PPFIA1: variants seen among roughly 807,000 people sequenced by gnomAD.
PPFIA1 encodes the protein liprin-alpha-1.
In PPFIA1, 25 loss-of-function variants were observed where a neutral mutation model predicts 149.9. The observed-to-expected ratio is 0.17, with a 90% CI of 0.12 to 0.23. PPFIA1 has a LOEUF of 0.23. PPFIA1 is among the 10% of genes least tolerant of loss of function. The pLI is 1.00. For missense variants in PPFIA1, 1,362 were observed against 1,506.5 expected (o/e 0.90, Z 1.59); for synonymous variants, 549 against 552.8 (o/e 0.99, Z 0.10).
At chr11:70,380,750 A>AG (rs2057682475) in intron 26 of PPFIA1, among the ~76,000 whole-genome samples, 1 of 150,558 alleles carries the variant, frequency 6.6e-6, no homozygotes, top group Middle Eastern at 3.2e-3. Context: ...AAAAAAAAAA[A>AG]GTAAACCTAA....
chr11:70,288,514 G>A (rs776147947), intron 2 of PPFIA1, among the ~76,000 whole-genome samples: 2 of 152,140 alleles, frequency 1.3e-5, no homozygotes, highest in Non-Finnish European at 2.9e-5. Flanking sequence ...CTGGGAGACC[G>A]TCAACCTCAT....
intron 2 of PPFIA1, among the ~76,000 whole-genome samples, chr11:70,289,857 G>T (rs889834251): frequency 6.6e-6 from 1 of 152,146 alleles, no homozygotes; most frequent in Non-Finnish European, 1.5e-5. Context: ...TGGGAGGATC[G>T]CTTGAGACCA....
intron 23 of PPFIA1, chr11:70,373,973 A>G (rs1023469648): frequency 1.3e-5 from 2 of 152,234 alleles, no homozygotes; most frequent in African/African-American, 2.4e-5. Flanking sequence ...CCAATAGACA[A>G]AGATCTTTGG....
chr11:70,276,961 T>C (rs1274037628), intron 2 of PPFIA1, among the ~76,000 whole-genome samples: 1 of 149,796 alleles, frequency 6.7e-6, no homozygotes, highest in African/African-American at 2.5e-5. Flanking sequence ...CGGCTTTACA[T>C]TTTTTTCTAC....
intron 2 of PPFIA1, among the ~76,000 whole-genome samples, chr11:70,287,175 A>G (rs973127146): frequency 6.6e-6 from 1 of 151,842 alleles, no homozygotes; most frequent in Non-Finnish European, 1.5e-5. Context: ...AAATGCATGT[A>G]CAGCTGCCTT....
chr11:70,347,040 C>T (rs548895595), intron 15 of PPFIA1, among the ~76,000 whole-genome samples: 3 of 152,202 alleles, frequency 2.0e-5, no homozygotes, highest in Middle Eastern at 6.8e-3. Flanking sequence ...CATCAGATAA[C>T]GCTCTGGTTC....
intron 7 of PPFIA1, chr11:70,327,547 G>C (rs974693562): frequency 6.6e-6 from 1 of 152,286 alleles, no homozygotes; most frequent in Non-Finnish European, 1.5e-5. Context: ...TTAGGCGGGC[G>C]GATCACGAGG....
In PPFIA1 at chr11:70,330,412, C is replaced by A. The variant is rs940786342; in HGVS notation, c.1077+93C>A. ...CTCACTTTCATGTTGGAAATCAAGT[C>A]CAAATATCAAGTTTTTATGACCTTA... On this transcript the variant is annotated intron_variant, in intron 8 of 27. Coordinates refer to ENST00000253925, the MANE Select transcript of PPFIA1 (RefSeq NM_003626.5). 1.5e-5 allele frequency: 18 copies of A among 1,162,082 alleles called. No homozygotes were observed. In the Admixed American group the frequency reaches 4.4e-4, roughly 28 times the overall value. The allele number at this position is 1,162,082 out of a possible 1,614,324, so 72.0% of individuals were successfully genotyped here. A position where few individuals can be genotyped will look rare whatever the true frequency, so the allele number is the denominator to read the frequency against.
At position 70,333,539 on chromosome 11, in the gene PPFIA1, CAAG is replaced by C; in HGVS notation, c.1285_1287del (p.Glu429del). On this transcript the variant is annotated inframe_deletion, in exon 10 of 28. Transcript: ENST00000253925. ...GGAAGCACAGTTGGAGGAGAAGAATCAAGAACTGCAGCGGGTGAGCATGCAGCC... is the reference window on the plus strand; with the variant it reads ...GGAAGCACAGTTGGAGGAGAAGAATCAACTGCAGCGGGTGAGCATGCAGCC... 1 of 1,612,052 alleles carries C rather than the reference CAAG, an allele frequency of 6.2e-7. No homozygotes were observed. Among genetic ancestry groups the C allele is most frequent in the South Asian group, 1.1e-5 (1 of 90,456 alleles).
chr11:70,332,344 T>C (rs950375883), intron 9 of PPFIA1, among the ~76,000 whole-genome samples: 1 of 152,200 alleles, frequency 6.6e-6, no homozygotes, highest in Non-Finnish European at 1.5e-5. Flanking sequence ...ATCTGAGAGT[T>C]ACTGCTTCTT....
At position 70,376,406 on chromosome 11, in the gene PPFIA1, C is replaced by A. The variant is rs140193214; in HGVS notation, c.3316-126C>A. The A allele has an allele frequency of 5.6e-6, 5 of 900,640 alleles. No individual in the cohort carries two copies. In the African/African-American group the frequency reaches 6.7e-5, roughly 12 times the overall value. The allele number at this position is 900,640 out of a possible 1,614,324, so 55.8% of individuals were successfully genotyped here. A position where few individuals can be genotyped will look rare whatever the true frequency, so the allele number is the denominator to read the frequency against. ...CGTCCGAAAGTGTTGGAATTACAGGCGTGAGCCACCAGACCCAGCCAGCAG... is the reference window on the plus strand; with the variant it reads ...CGTCCGAAAGTGTTGGAATTACAGGAGTGAGCCACCAGACCCAGCCAGCAG... On this transcript the variant is annotated intron_variant, in intron 24 of 27. Coordinates refer to ENST00000253925, the MANE Select transcript of PPFIA1 (RefSeq NM_003626.5).
intron 8 of PPFIA1, 93 bp downstream of exon 8, chr11:70,330,412 C>T: frequency 7.7e-6 from 9 of 1,162,200 alleles, no homozygotes; most frequent in Non-Finnish European, 1.1e-5. Context: ...GAAATCAAGT[C>T]CAAATATCAA....
intron 2 of PPFIA1, among the ~76,000 whole-genome samples, chr11:70,307,770 T>G (rs914290653): frequency 1.3e-5 from 2 of 152,100 alleles, no homozygotes; most frequent in African/African-American, 4.8e-5. Flanking sequence ...AAAAATTTTT[T>G]TTTAAATTAG....
chr11:70,301,044 C>G (rs1206699395), intron 2 of PPFIA1, among the ~76,000 whole-genome samples: 1 of 152,162 alleles, frequency 6.6e-6, no homozygotes, highest in Non-Finnish European at 1.5e-5. Context: ...TGTTTTCTGC[C>G]CAGTCACTCC....
intron 26 of PPFIA1, among the ~76,000 whole-genome samples, chr11:70,380,380 A>C (rs2057660927): frequency 6.6e-6 from 1 of 151,810 alleles, no homozygotes; most frequent in Non-Finnish European, 1.5e-5. Context: ...ATCCTGGCTA[A>C]CACGGTGAAA....
intron 2 of PPFIA1, among the ~76,000 whole-genome samples, chr11:70,277,683 G>A (rs894253062): frequency 6.6e-6 from 1 of 151,978 alleles, no homozygotes; most frequent in African/African-American, 2.4e-5. Context: ...TAGAGACTGG[G>A]TTTCACCATG....
At chr11:70,340,981 C>T (rs1466534574) in intron 14 of PPFIA1, 7 of 344,612 alleles carry the variant, frequency 2.0e-5, no homozygotes, top group Non-Finnish European at 3.3e-5. Flanking sequence ...TAGGAGAGGG[C>T]GAGGAGAAAG....
At chr11:70,280,874 G>C (rs1565336559) in intron 2 of PPFIA1, among the ~76,000 whole-genome samples, 1 of 151,596 alleles carries the variant, frequency 6.6e-6, no homozygotes, top group Non-Finnish European at 1.5e-5. Context: ...AAAATCTAAA[G>C]TCCAGATTTT....
intron 26 of PPFIA1, chr11:70,378,449 A>G: frequency 8.3e-7 from 1 of 1,210,742 alleles, no homozygotes; most frequent in Non-Finnish European, 1.0e-6. Flanking sequence ...AAAGCTCAGT[A>G]TTCGTCTGTG....
Sources: allele counts gnomAD v4.1 joint callset (sites outside exome capture counted in the v4.1 genomes callset), GRCh38; gene constraint gnomAD v4.1.1; transcripts MANE v1.5; gene names NCBI Gene and HGNC (gene_info 2026-07-23, HGNC 2026-07-21).